SEC31B: variants seen among roughly 807,000 people sequenced by gnomAD.
SEC31B encodes SEC31 homolog B, COPII component.
In SEC31B, 113 loss-of-function variants were observed where a neutral mutation model predicts 135.0. That is an observed-to-expected ratio of 0.84 (90% CI 0.72 to 0.98). The LOEUF is 0.98. Among genes scored for constraint, SEC31B ranks in the 50% least tolerant of loss-of-function variants. SEC31B has a pLI of 0.00. For synonymous variants in SEC31B, 508 were observed against 549.4 expected, an observed-to-expected ratio of 0.92 and a Z score of 1.05; for missense variants, 1,296 against 1,421.1, an observed-to-expected ratio of 0.91 and a Z score of 1.42.
At chr10:100,499,710 C>G (rs751790639) in intron 11 of SEC31B, 112 bp from the exon 12 acceptor site, 1 of 735,400 alleles carries the variant, frequency 1.4e-6, no homozygotes, top group Non-Finnish European at 2.3e-6. Flanking sequence ...CTTTGTACTA[C>G]TAGAAGTGCC....
chr10:100,505,235 G>C, intron 10 of SEC31B, 126 bp downstream of exon 10: 2 of 1,203,330 alleles, frequency 1.7e-6, no homozygotes, highest in African/African-American at 1.6e-5. Flanking sequence ...TTCTGAGACA[G>C]AGGCAGTGGG....
At chr10:100,512,275 T>G (rs1564654213) in intron 3 of SEC31B, among the ~76,000 whole-genome samples, 1 of 152,162 alleles carries the variant, frequency 6.6e-6, no homozygotes, top group Non-Finnish European at 1.5e-5. Flanking sequence ...AAACTCAGTG[T>G]ATAGAGAGGG....
chr10:100,496,756 G>A (rs564546731), intron 17 of SEC31B, among the ~76,000 whole-genome samples: 1 of 152,222 alleles, frequency 6.6e-6, no homozygotes, highest in South Asian at 2.1e-4. Context: ...TGTTTCATGT[G>A]CGACTTTTGT....
At chr10:100,489,575 A>G (rs984899021) in intron 22 of SEC31B, 128 bp downstream of exon 22, 1 of 1,437,660 alleles carries the variant, frequency 7.0e-7, no homozygotes, top group Non-Finnish European at 9.6e-7. Flanking sequence ...GGTTCTGAGG[A>G]AAGAAGAGTA....
At chr10:100,496,640 A>C (rs1851415038) in intron 17 of SEC31B, among the ~76,000 whole-genome samples, 1 of 152,184 alleles carries the variant, frequency 6.6e-6, no homozygotes, top group African/African-American at 2.4e-5. Context: ...ATTGGATTTA[A>C]CTGGACCCAT....
intron 11 of SEC31B, 134 bp downstream of exon 11, chr10:100,502,120 G>A: frequency 1.4e-6 from 1 of 700,824 alleles, no homozygotes; most frequent in Non-Finnish European, 2.5e-6. Flanking sequence ...TATAGTGTGG[G>A]GGAAAAACTA....
intron 1 of SEC31B, among the ~76,000 whole-genome samples, chr10:100,519,491 G>C (rs1589743840): frequency 6.6e-6 from 1 of 152,382 alleles, no homozygotes; most frequent in East Asian, 1.9e-4. Context: ...GACGGCCTCG[G>C]CTGGGCCAGG....
intron 14 of SEC31B, 169 bp from the exon 15 acceptor site, chr10:100,498,376 G>C: frequency 1.4e-6 from 1 of 706,318 alleles, no homozygotes; most frequent in South Asian, 1.9e-5. Flanking sequence ...TTGGTGCCCA[G>C]GTCTAAAGAC....
Position 100,496,367 on chromosome 10 carries a change from A to C in SEC31B, c.2201T>G (p.Val734Gly), listed in dbSNP as rs1019211470. ...GTAGGTTGTGGCAGGGCCTGGGCTC[A>C]CCCCATGAGGACCCCGCAGTTGCTC... ...SLEQLRGPHG[V>G]SPGPATTYRV... Residue 734 changes from valine (V) to glycine (G), a missense_variant, in exon 18 of 26, where the codon GTG (valine) becomes GGG (glycine). By Grantham distance (109) the Val-to-Gly change is moderately radical. Coordinates refer to ENST00000370345, the MANE Select transcript of SEC31B (RefSeq NM_015490.4). 4 of 1,613,980 alleles carry C rather than the reference A, an allele frequency of 2.5e-6. No homozygotes were observed. Among genetic ancestry groups the C allele is most frequent in the Non-Finnish European group, 3.4e-6 (4 of 1,180,014 alleles).
intron 3 of SEC31B, among the ~76,000 whole-genome samples, chr10:100,513,073 T>C (rs999262536): frequency 6.6e-6 from 1 of 152,222 alleles, no homozygotes; most frequent in African/African-American, 2.4e-5. Flanking sequence ...TTTATGATAC[T>C]GACTGTTGAG....
In SEC31B at chr10:100,495,458, C is replaced by A; in HGVS notation, c.2399G>T (p.Arg800Leu). 2 of 1,613,768 alleles carry A rather than the reference C, an allele frequency of 1.2e-6. No homozygotes were observed. Among genetic ancestry groups the A allele is most frequent in the Non-Finnish European group, 1.7e-6 (2 of 1,179,904 alleles). ...GQQSPPFPFP[R>L]IVVGATLHSK... ...GTGGAGGGTAGCTCCCACAACAATC[C>A]GGGGGAAGGGGAAAGGGGGAGACTG... Residue 800 changes from arginine to leucine, a missense_variant, in exon 19 of 26, where the codon CGG becomes CTG. Arg to Leu is a moderately radical substitution (Grantham distance 102). Coordinates refer to ENST00000370345, the MANE Select transcript of SEC31B (RefSeq NM_015490.4).
At chr10:100,507,771 A>G (rs965314269) in intron 6 of SEC31B, 137 bp downstream of exon 6, 60 of 1,337,436 alleles carry the variant, frequency 4.5e-5, no homozygotes, top group Non-Finnish European at 6.3e-5. Context: ...CACTCTCAAT[A>G]GGAAATGTGC....
At chr10:100,499,068 G>T in intron 13 of SEC31B, 92 bp downstream of exon 13, 1 of 1,017,266 alleles carries the variant, frequency 9.8e-7, no homozygotes, top group Non-Finnish European at 1.5e-6. Context: ...AACACTTACA[G>T]ACAGCAAAGA....
At position 100,495,118 on chromosome 10, in the gene SEC31B, G is replaced by A. The variant is rs537485848; in HGVS notation, c.2472+267C>T. 4.7e-4 allele frequency: 187 copies of A among 400,728 alleles called. 2 individuals carry two copies. The highest frequency in any genetic ancestry group is 3.9e-3 in the South Asian group (178 of 45,274). 24.8% of individuals were successfully genotyped at this position (400,728 alleles called of 1,614,324 possible). On this transcript the variant is annotated intron_variant, in intron 19 of 25. Coordinates refer to ENST00000370345, the MANE Select transcript of SEC31B (RefSeq NM_015490.4). ...TGGGATTACAGGCGTGAGCCACCAC[G>A]CCAGGCCTACTGTAGCTATTTTTTA...
chr10:100,494,881 A>G (rs1209168959), intron 19 of SEC31B: 1 of 143,454 alleles, frequency 7.0e-6, no homozygotes, highest in Middle Eastern at 3.6e-3. Flanking sequence ...GCTGGAGTGC[A>G]GTGGTATGAT....
At chr10:100,497,544 GC>G in intron 16 of SEC31B, 122 bp downstream of exon 16, 1 of 1,563,660 alleles carries the variant, frequency 6.4e-7, no homozygotes, top group Non-Finnish European at 8.7e-7. Context: ...CCAGATTCTA[GC>G]CCTGACAACA....
chr10:100,500,074 G>A (rs1020907832), intron 11 of SEC31B: 2 of 456,774 alleles, frequency 4.4e-6, no homozygotes, highest in Admixed American at 2.3e-5. Flanking sequence ...TGGCTCTTGT[G>A]GGCAAGAAGC....
At chr10:100,489,189 T>C in intron 23 of SEC31B, 63 bp downstream of exon 23, 2 of 1,529,014 alleles carry the variant, frequency 1.3e-6, no homozygotes, top group Non-Finnish European at 1.8e-6. Context: ...CCATCTACCA[T>C]GACCTGCACC....
intron 16 of SEC31B, 140 bp from the exon 17 acceptor site, chr10:100,497,420 C>T (rs893873328): frequency 6.7e-7 from 1 of 1,493,234 alleles, no homozygotes; most frequent in Admixed American, 2.2e-5. Context: ...CCTTGCTGTA[C>T]AGAGAAGGGG....
Sources: gnomAD v4.1 joint callset for allele counts (sites outside exome capture counted in the v4.1 genomes callset) on GRCh38, gnomAD v4.1.1 for gene constraint, MANE v1.5 for transcripts, NCBI Gene and HGNC (gene_info 2026-07-23, HGNC 2026-07-21) for gene names.